The following KCNH7 variants were observed in gnomAD, a reference collection of about 807,000 sequenced individuals.
KCNH7 encodes the protein voltage-gated inwardly rectifying potassium channel KCNH7.
Under a neutral mutation model 120.8 loss-of-function variants are expected in KCNH7, and 49 were observed. The ratio of observed to expected loss-of-function variants is 0.41; its 90% CI spans 0.32 to 0.51. KCNH7 has a LOEUF of 0.51. KCNH7 is among the 20% of genes least tolerant of loss of function. The pLI is 0.38. For missense variants in KCNH7, 1,097 were observed against 1,446.6 expected, an observed-to-expected ratio of 0.76 and a Z score of 3.92; for synonymous variants, 547 against 516.1, an observed-to-expected ratio of 1.06 and a Z score of -0.81.
intron 2 of KCNH7, among the ~76,000 whole-genome samples, chr2:162,621,718 T>A (rs2105195965): frequency 6.6e-6 from 1 of 152,282 alleles, no homozygotes; most frequent in South Asian, 2.1e-4. Context: ...GCTGGTTATA[T>A]TTCTCCAGAG....
intron 2 of KCNH7, among the ~76,000 whole-genome samples, chr2:162,623,588 G>A (rs1287526384): frequency 1.3e-5 from 2 of 152,170 alleles, no homozygotes; most frequent in Non-Finnish European, 2.9e-5. Context: ...GAGATTTAGA[G>A]CATGGATTCT....
intron 6 of KCNH7, among the ~76,000 whole-genome samples, chr2:162,475,997 G>A (rs1206764552): frequency 6.6e-6 from 1 of 152,190 alleles, no homozygotes; most frequent in African/African-American, 2.4e-5. Flanking sequence ...ATTCAACCTG[G>A]AATACATTAA....
chr2:162,815,065 T>C (rs1181717145), intron 2 of KCNH7, among the ~76,000 whole-genome samples: 1 of 152,194 alleles, frequency 6.6e-6, no homozygotes, highest in Non-Finnish European at 1.5e-5. Flanking sequence ...GTAACAAATA[T>C]GAACTTTGTC....
intron 2 of KCNH7, among the ~76,000 whole-genome samples, chr2:162,716,210 T>C (rs982176389): frequency 7.2e-5 from 11 of 152,118 alleles, no homozygotes; most frequent in African/African-American, 2.7e-4. Flanking sequence ...AAGTTCTGAT[T>C]GGTCATAGCC....
intron 3 of KCNH7, among the ~76,000 whole-genome samples, chr2:162,530,660 A>G (rs936718180): frequency 1.3e-5 from 2 of 152,044 alleles, no homozygotes; most frequent in African/African-American, 4.8e-5. Context: ...TTGAAGCAAT[A>G]ATATCACAAT....
At chr2:162,443,874 C>G (rs985162817) in intron 7 of KCNH7, among the ~76,000 whole-genome samples, 5 of 152,164 alleles carry the variant, frequency 3.3e-5, no homozygotes, top group Non-Finnish European at 2.9e-5. Context: ...TGTGGTTCAG[C>G]CTGGCAGCCA....
At chr2:162,403,719 T>C (rs1328470494) in intron 9 of KCNH7, among the ~76,000 whole-genome samples, 3 of 151,980 alleles carry the variant, frequency 2.0e-5, no homozygotes, top group Non-Finnish European at 4.4e-5. Context: ...TTCTTAATTT[T>C]CTTAAGTCAG....
intron 8 of KCNH7, among the ~76,000 whole-genome samples, chr2:162,426,007 G>C (rs1208258608): frequency 6.6e-6 from 1 of 151,794 alleles, no homozygotes; most frequent in Non-Finnish European, 1.5e-5. Flanking sequence ...TGAGCTCAGC[G>C]GTTCGAGACC....
At chr2:162,620,970 A>G (rs1387809023) in intron 2 of KCNH7, among the ~76,000 whole-genome samples, 1 of 152,130 alleles carries the variant, frequency 6.6e-6, no homozygotes, top group Non-Finnish European at 1.5e-5. Flanking sequence ...GGACTGCCCC[A>G]GTAAATCGGG....
chr2:162,812,203 G>A (rs1044384656), intron 2 of KCNH7, among the ~76,000 whole-genome samples: 2 of 152,096 alleles, frequency 1.3e-5, no homozygotes, highest in East Asian at 3.9e-4. Flanking sequence ...CACCACAGCA[G>A]AGAATTTAGA....
At chr2:162,635,256 G>A (rs1683914030) in intron 2 of KCNH7, among the ~76,000 whole-genome samples, 1 of 152,014 alleles carries the variant, frequency 6.6e-6, no homozygotes, top group African/African-American at 2.4e-5. Flanking sequence ...ATATAAAATA[G>A]GTAAGACACA....
intron 2 of KCNH7, among the ~76,000 whole-genome samples, chr2:162,777,567 A>T (rs1320363591): frequency 2.0e-5 from 3 of 152,150 alleles, no homozygotes; most frequent in Admixed American, 2.0e-4. Flanking sequence ...TATGTTGAGC[A>T]TCTCCTATAT....
At chr2:162,827,545 T>C (rs906984064) in intron 2 of KCNH7, among the ~76,000 whole-genome samples, 3 of 152,176 alleles carry the variant, frequency 2.0e-5, no homozygotes, top group East Asian at 3.9e-4. Context: ...TCATTTTGAT[T>C]GATAAAGTTC....
intron 9 of KCNH7, among the ~76,000 whole-genome samples, chr2:162,416,501 A>C (rs552565386): frequency 1.3e-5 from 2 of 152,254 alleles, no homozygotes; most frequent in Admixed American, 1.3e-4. Flanking sequence ...CACCACACAG[A>C]ATCAGATGAT....
intron 2 of KCNH7, among the ~76,000 whole-genome samples, chr2:162,716,371 A>G (rs1289362341): frequency 6.6e-6 from 1 of 152,068 alleles, no homozygotes; most frequent in African/African-American, 2.4e-5. Flanking sequence ...CTAAAAAGGC[A>G]CTGAATTAGG....
chr2:162,732,769 G>T (rs1687774172), intron 2 of KCNH7, among the ~76,000 whole-genome samples: 1 of 152,152 alleles, frequency 6.6e-6, no homozygotes, highest in Non-Finnish European at 1.5e-5. Context: ...GGGTACTTTT[G>T]TTATGCCTGT....
At chr2:162,566,191 T>C (rs1019025406) in intron 2 of KCNH7, among the ~76,000 whole-genome samples, 1 of 152,018 alleles carries the variant, frequency 6.6e-6, no homozygotes, top group Non-Finnish European at 1.5e-5. Flanking sequence ...GCATCTGTTG[T>C]TTATTATTCT....
intron 2 of KCNH7, among the ~76,000 whole-genome samples, chr2:162,780,089 G>A (rs1426186152): frequency 6.6e-6 from 1 of 152,122 alleles, no homozygotes; most frequent in African/African-American, 2.4e-5. Context: ...ATTTGATAAA[G>A]AAGAACAAAA....
intron 2 of KCNH7, among the ~76,000 whole-genome samples, chr2:162,591,894 C>T (rs549171412): frequency 6.6e-5 from 10 of 152,092 alleles, no homozygotes; most frequent in Non-Finnish European, 1.3e-4. Flanking sequence ...AGATTACATT[C>T]CTAGCTCTGG....
Sources: gnomAD v4.1 joint callset for allele counts (sites outside exome capture counted in the v4.1 genomes callset) on GRCh38, gnomAD v4.1.1 for gene constraint, MANE v1.5 for transcripts, NCBI Gene and HGNC (gene_info 2026-07-23, HGNC 2026-07-21) for gene names.